ANKRD12: variants seen among roughly 807,000 people sequenced by gnomAD.
The protein encoded by ANKRD12 is ankyrin repeat domain-containing protein 12.
In ANKRD12, 85 loss-of-function variants were observed where a neutral mutation model predicts 183.4. The ratio of observed to expected loss-of-function variants is 0.46; its 90% CI spans 0.39 to 0.56. The LOEUF (loss-of-function observed/expected upper bound fraction) is 0.56. Among genes scored for constraint, ANKRD12 ranks in the 20% least tolerant of loss-of-function variants. The probability of loss-of-function intolerance (pLI) is 0.00; values close to 1 mark genes in which losing one functional copy is unlikely to be tolerated. For synonymous variants in ANKRD12, 914 were observed against 800.2 expected, an observed-to-expected ratio of 1.14 and a Z score of -2.40; for missense variants, 2,405 against 2,357.1, an observed-to-expected ratio of 1.02 and a Z score of -0.42.
At chr18:9,175,523 CTTTT>C (rs33944736) in intron 1 of ANKRD12, among the ~76,000 whole-genome samples, 13 of 53,312 alleles carry the variant, frequency 2.4e-4, no homozygotes, top group East Asian at 2.1e-3. Context: ...AAAGGCTCCT[CTTTT>C]TTTTTTTTTT....
intron 1 of ANKRD12, among the ~76,000 whole-genome samples, chr18:9,157,604 T>TATATATATATATATATGTA (rs1491418837): frequency 1.1e-4 from 5 of 45,958 alleles, no homozygotes; most frequent in Non-Finnish European, 3.3e-4. Context: ...TATATATGTA[T>TATATATATATATATATGTA]TTTTTTTTTT....
At chr18:9,188,450 C>G (rs2034247608) in intron 2 of ANKRD12, among the ~76,000 whole-genome samples, 1 of 152,180 alleles carries the variant, frequency 6.6e-6, no homozygotes, top group Non-Finnish European at 1.5e-5. Flanking sequence ...ATTAGTGTGT[C>G]TGCTCGCAAC....
chr18:9,230,806 G>A (rs966817963), intron 8 of ANKRD12, among the ~76,000 whole-genome samples: 1 of 151,484 alleles, frequency 6.6e-6, no homozygotes, highest in Non-Finnish European at 1.5e-5. Context: ...CTACAGATGC[G>A]TGCCATCACA....
intron 1 of ANKRD12, among the ~76,000 whole-genome samples, chr18:9,141,444 TGCTGAGTTTGTCCA>T (rs1327092967): frequency 2.6e-5 from 4 of 152,212 alleles, no homozygotes; most frequent in Non-Finnish European, 5.9e-5. Flanking sequence ...ATAGAAAATC[TGCTGAGTTTGTCCA>T]GCTTAGAAAA....
rs960379386 is a variant in ANKRD12, at chr18:9,228,450, G to A, written c.943+6451G>A. On this transcript the variant is annotated intron_variant, in intron 8 of 12. Transcript: ENST00000262126. ...CATTCCCACTAACAGTGTAAAAGAG[G>A]TTCCCTTTTCTCCACACCCTCGCCA... Among the ~76,000 whole-genome samples, 3 of 152,068 alleles carry A rather than the reference G, an allele frequency of 2.0e-5. No homozygotes were observed. The East Asian group carries it at 5.8e-4, about 29-fold the overall frequency.
intron 8 of ANKRD12, among the ~76,000 whole-genome samples, chr18:9,248,886 GT>G (rs1286755863): frequency 1.3e-5 from 2 of 152,214 alleles, no homozygotes; most frequent in African/African-American, 4.8e-5. Flanking sequence ...AGATTGCTGA[GT>G]TTAGAGGAAA....
intron 3 of ANKRD12, among the ~76,000 whole-genome samples, chr18:9,198,660 C>T (rs2034987821): frequency 6.6e-6 from 1 of 152,052 alleles, no homozygotes; most frequent in Non-Finnish European, 1.5e-5. Flanking sequence ...AGTGATTCTC[C>T]CGCCTCAGCC....
At chr18:9,223,855 C>T (rs190897035) in intron 8 of ANKRD12, among the ~76,000 whole-genome samples, 88 of 152,244 alleles carry the variant, frequency 5.8e-4, no homozygotes, top group African/African-American at 1.9e-3. Flanking sequence ...TTAGTACTTA[C>T]GTGACGAGAC....
intron 1 of ANKRD12, among the ~76,000 whole-genome samples, chr18:9,139,346 T>C (rs562418003): frequency 7.2e-5 from 11 of 152,190 alleles, no homozygotes; most frequent in Non-Finnish European, 1.6e-4. Flanking sequence ...CCTATAGAAG[T>C]TGAAAACCAT....
intron 1 of ANKRD12, among the ~76,000 whole-genome samples, chr18:9,161,597 C>T (rs1246723356): frequency 2.6e-5 from 4 of 151,910 alleles, no homozygotes; most frequent in South Asian, 4.2e-4. Context: ...AGGATGGTCT[C>T]GATCTGCTGA....
intron 8 of ANKRD12, among the ~76,000 whole-genome samples, chr18:9,248,287 T>C (rs1227167121): frequency 6.6e-6 from 1 of 152,216 alleles, no homozygotes; most frequent in Non-Finnish European, 1.5e-5. Flanking sequence ...ACATCGGACT[T>C]CTTTTGAAAC....
chr18:9,249,270 C>T (rs1277566900), intron 8 of ANKRD12, among the ~76,000 whole-genome samples: 1 of 152,148 alleles, frequency 6.6e-6, no homozygotes, highest in African/African-American at 2.4e-5. Context: ...CACACTCTCA[C>T]CCCTCTCATC....
At chr18:9,211,089 C>T (rs2035778875) in intron 5 of ANKRD12, among the ~76,000 whole-genome samples, 1 of 151,888 alleles carries the variant, frequency 6.6e-6, no homozygotes, top group South Asian at 2.1e-4. Context: ...CTTTTCCAGA[C>T]TACCCTTATT....
chr18:9,253,329 C>G (rs1481410878), intron 8 of ANKRD12, among the ~76,000 whole-genome samples: 2 of 152,294 alleles, frequency 1.3e-5, no homozygotes, highest in African/African-American at 4.8e-5. Flanking sequence ...CCCATTAACT[C>G]TCATCTCCCC....
intron 8 of ANKRD12, chr18:9,235,916 T>A: frequency 3.7e-6 from 1 of 268,672 alleles, no homozygotes; most frequent in South Asian, 4.0e-5. Context: ...TCAGGTAAGA[T>A]AAATGGCATA....
intron 2 of ANKRD12, among the ~76,000 whole-genome samples, chr18:9,190,025 T>C (rs1480125508): frequency 6.6e-6 from 1 of 152,146 alleles, no homozygotes; most frequent in African/African-American, 2.4e-5. Context: ...GGCAAAAAAA[T>C]TGAAAACCAT....
Position 9,254,282 on chromosome 18 carries a change from T to A in ANKRD12, c.1015T>A (p.Ser339Thr), listed in dbSNP as rs771782055. The A allele has an allele frequency of 3.7e-6, 6 of 1,611,136 alleles. No homozygotes were observed. The highest frequency in any genetic ancestry group is 1.6e-4 in the Middle Eastern group (1 of 6,066). Residue 339 changes from serine (S) to threonine (T), a missense_variant, in exon 9 of 13, where the codon TCT (serine) becomes ACT (threonine). Physicochemically the swap from Ser to Thr is moderately conservative, Grantham distance 58. Coordinates refer to ENST00000262126, the MANE Select transcript of ANKRD12 (RefSeq NM_015208.5). Reference protein sequence around the residue: ...ENIDSETEKDSLICESKQILP... With the variant: ...ENIDSETEKDTLICESKQILP... ...TATTGACTCTGAAACAGAGAAAGAC[T>A]CTCTCATCTGTGAAAGTAAACAGAT...
At chr18:9,235,643 A>G in intron 8 of ANKRD12, 1 of 456,310 alleles carries the variant, frequency 2.2e-6, no homozygotes, top group Non-Finnish European at 4.4e-6. Flanking sequence ...CTCAGGATCC[A>G]GCTACCAATT....
Position 9,192,110 on chromosome 18 carries a change from C to T in ANKRD12, c.88-3441C>T, listed in dbSNP as rs536631712. Reference sequence around the variant, plus strand: ...ACCCCTTGGAACTGTGAGTAACAATCTTTTCCATAGCAGTAATATCCTGAT... The same window carrying T: ...ACCCCTTGGAACTGTGAGTAACAATTTTTTCCATAGCAGTAATATCCTGAT... On this transcript the variant is annotated intron_variant, in intron 2 of 12. Transcript: ENST00000262126. 2.7e-3 allele frequency among the ~76,000 whole-genome samples: 404 copies of T among 152,276 alleles called. 2 individuals are homozygous for T. Among genetic ancestry groups the T allele is most frequent in the Non-Finnish European group, 4.6e-3 (314 of 68,022 alleles).
Sources: gnomAD v4.1 joint callset for allele counts (sites outside exome capture counted in the v4.1 genomes callset) on GRCh38, gnomAD v4.1.1 for gene constraint, MANE v1.5 for transcripts, NCBI Gene and HGNC (gene_info 2026-07-23, HGNC 2026-07-21) for gene names.